C1GALT1: variants seen among roughly 807,000 people sequenced by gnomAD.
The protein encoded by C1GALT1 is glycoprotein-N-acetylgalactosamine 3-beta-galactosyltransferase 1.
In C1GALT1, 11 loss-of-function variants were observed where a neutral mutation model predicts 31.0. That is an observed-to-expected ratio of 0.36 (90% CI 0.22 to 0.59). The LOEUF (loss-of-function observed/expected upper bound fraction) is 0.59, where lower values mean the gene tolerates loss of function less well. Among genes scored for constraint, C1GALT1 ranks in the 20% least tolerant of loss-of-function variants. The pLI is 0.79. For missense variants in C1GALT1, 424 were observed against 425.2 expected (o/e 1.00, Z 0.03); for synonymous variants, 175 against 143.6 (o/e 1.22, Z -1.56).
At chr7:7,164,702 G>C (rs1316294240) in intron 2 of C1GALT1, among the ~76,000 whole-genome samples, 1 of 152,084 alleles carries the variant, frequency 6.6e-6, no homozygotes, top group Non-Finnish European at 1.5e-5. Context: ...GGGAAGGAAA[G>C]CTCTATTTTT....
intron 1 of C1GALT1, among the ~76,000 whole-genome samples, chr7:7,228,526 G>A (rs1308698334): frequency 6.6e-6 from 1 of 152,066 alleles, no homozygotes; most frequent in East Asian, 1.9e-4. Flanking sequence ...CACTCTTGTG[G>A]ACATGATTTT....
At chr7:7,233,453 T>C (rs1783184527) in intron 1 of C1GALT1, among the ~76,000 whole-genome samples, 1 of 152,154 alleles carries the variant, frequency 6.6e-6, no homozygotes, top group South Asian at 2.1e-4. Flanking sequence ...TATGCCACCA[T>C]GCCCAGCTAA....
intron 2 of C1GALT1, among the ~76,000 whole-genome samples, chr7:7,160,760 GA>G: frequency 6.6e-6 from 1 of 152,188 alleles, no homozygotes; most frequent in South Asian, 2.1e-4. Context: ...GTAGCTGCAG[GA>G]ATTTTATCAG....
intron 3 of C1GALT1, among the ~76,000 whole-genome samples, chr7:7,241,894 A>G (rs1391608285): frequency 6.6e-6 from 1 of 152,028 alleles, no homozygotes; most frequent in Non-Finnish European, 1.5e-5. Flanking sequence ...GTAAAATATA[A>G]ATAAATAAGA....
intron 2 of C1GALT1, among the ~76,000 whole-genome samples, chr7:7,166,105 C>T (rs1044825444): frequency 6.6e-6 from 1 of 152,014 alleles, no homozygotes; most frequent in African/African-American, 2.4e-5. Context: ...TGATAACAAC[C>T]ATGTGAAAAA....
intron 2 of C1GALT1, among the ~76,000 whole-genome samples, chr7:7,175,540 A>G (rs919442492): frequency 1.4e-4 from 21 of 152,188 alleles, no homozygotes; most frequent in African/African-American, 4.8e-4. Flanking sequence ...GCATGTTTCA[A>G]CTGTAATCTC....
At chr7:7,236,156 A>C (rs1783331073) in intron 2 of C1GALT1, among the ~76,000 whole-genome samples, 1 of 152,148 alleles carries the variant, frequency 6.6e-6, no homozygotes, top group Admixed American at 6.5e-5. Flanking sequence ...AGTATTTAGC[A>C]ATTATTGGTT....
intron 1 of C1GALT1, among the ~76,000 whole-genome samples, chr7:7,230,622 C>CTTTTTTTTTTTTTTT (rs57276821): frequency 8.2e-6 from 1 of 121,522 alleles, no homozygotes; most frequent in Non-Finnish European, 1.7e-5. Context: ...TCTATATTCC[C>CTTTTTTTTTTTTTTT]TTTTTTTTTT....
chr7:7,159,282 A>G (rs77125015), intron 2 of C1GALT1, among the ~76,000 whole-genome samples: 3,602 of 152,238 alleles, frequency 0.024, 135 homozygotes, highest in African/African-American at 0.082. Context: ...CGACTGTAAT[A>G]TTGACCACCT....
At chr7:7,162,696 C>A (rs1437806627) in intron 2 of C1GALT1, among the ~76,000 whole-genome samples, 1 of 151,562 alleles carries the variant, frequency 6.6e-6, no homozygotes, top group Non-Finnish European at 1.5e-5. Context: ...GCCACACTGA[C>A]TTCCACAATG....
rs1783760904 is a variant in C1GALT1, at chr7:7,244,353, A to G, written c.*626A>G. 6.6e-6 allele frequency: 1 copy of G among 152,112 alleles called. No homozygotes were observed. Among genetic ancestry groups the G allele is most frequent in the Non-Finnish European group, 1.5e-5 (1 of 67,988 alleles). The allele number at this position is 152,112 out of a possible 1,614,324, so 9.4% of individuals were successfully genotyped here. A position where few individuals can be genotyped will look rare whatever the true frequency, so the allele number is the denominator to read the frequency against. ...AATAAAACCACACTTTAAAATTATC[A>G]TGGGCCTTGACTATATTATATACTT... On this transcript the variant is annotated 3_prime_UTR_variant, in exon 4 of 4. Coordinates refer to ENST00000436587, the MANE Select transcript of C1GALT1 (RefSeq NM_020156.5).
intron 1 of C1GALT1, among the ~76,000 whole-genome samples, chr7:7,205,161 A>G (rs536011656): frequency 2.0e-5 from 3 of 148,774 alleles, no homozygotes; most frequent in South Asian, 2.2e-4. Flanking sequence ...CATTTTTTTC[A>G]CCTTTGGTTC....
At chr7:7,173,398 C>G (rs1404680992) in intron 2 of C1GALT1, among the ~76,000 whole-genome samples, 1 of 152,010 alleles carries the variant, frequency 6.6e-6, no homozygotes, top group East Asian at 1.9e-4. Context: ...GAACCATGAG[C>G]CAGTTAAACC....
chr7:7,173,575 C>T (rs995537671), intron 2 of C1GALT1, among the ~76,000 whole-genome samples: 1 of 152,010 alleles, frequency 6.6e-6, no homozygotes, highest in Non-Finnish European at 1.5e-5. Flanking sequence ...ATCCATTTAC[C>T]TTGTATTAGT....
At chr7:7,224,592 C>G (rs1188911995) in intron 1 of C1GALT1, among the ~76,000 whole-genome samples, 1 of 151,954 alleles carries the variant, frequency 6.6e-6, no homozygotes, top group Non-Finnish European at 1.5e-5. Context: ...AGGAATTGGT[C>G]CATTTCATCT....
intron 2 of C1GALT1, among the ~76,000 whole-genome samples, chr7:7,161,863 T>C (rs555868968): frequency 1.3e-5 from 2 of 152,182 alleles, no homozygotes; most frequent in African/African-American, 2.4e-5. Context: ...AAGATTCTAT[T>C]GAAGTTTACC....
At chr7:7,171,744 A>G (rs922255064) in intron 2 of C1GALT1, among the ~76,000 whole-genome samples, 2 of 151,746 alleles carry the variant, frequency 1.3e-5, no homozygotes, top group African/African-American at 2.4e-5. Context: ...CCTTTTGTAT[A>G]TATCTTTTAG....
intron 1 of C1GALT1, among the ~76,000 whole-genome samples, chr7:7,215,431 T>G (rs765788583): frequency 6.6e-5 from 10 of 152,062 alleles, no homozygotes; most frequent in Admixed American, 5.2e-4. Flanking sequence ...TGGTAAGAAA[T>G]TTTTACACTT....
intron 2 of C1GALT1, among the ~76,000 whole-genome samples, chr7:7,175,006 A>G (rs1780490670): frequency 6.6e-6 from 1 of 152,086 alleles, no homozygotes. Context: ...TGAATGAGCC[A>G]TACTTTCTTG....
Sources: gnomAD v4.1 joint callset for allele counts (sites outside exome capture counted in the v4.1 genomes callset) on GRCh38, gnomAD v4.1.1 for gene constraint, MANE v1.5 for transcripts, NCBI Gene and HGNC (gene_info 2026-07-23, HGNC 2026-07-21) for gene names.